Variants in ZNF780A observed in about 807,000 individuals in gnomAD.
ZNF780A encodes zinc finger protein 780A.
ZNF780A carries 40 observed loss-of-function variants against 56.7 expected under a neutral mutation model. The ratio of observed to expected loss-of-function variants is 0.71; its 90% CI spans 0.55 to 0.92. ZNF780A has a LOEUF of 0.92. ZNF780A is among the 40% of genes least tolerant of loss of function. The probability of loss-of-function intolerance (pLI) is 0.00; values close to 1 mark genes in which losing one functional copy is unlikely to be tolerated. For synonymous variants in ZNF780A, 231 were observed against 248.3 expected (o/e 0.93, Z 0.66); for missense variants, 672 against 783.3 (o/e 0.86, Z 1.70).
At chr19:40,080,755 C>A (rs1318559782) in intron 5 of ZNF780A, among the ~76,000 whole-genome samples, 1 of 152,046 alleles carries the variant, frequency 6.6e-6, no homozygotes, top group Non-Finnish European at 1.5e-5. Context: ...AAATAATCTG[C>A]ACACCAAACC....
chr19:40,085,602 C>T (rs537507767), intron 2 of ZNF780A, among the ~76,000 whole-genome samples: 2 of 152,176 alleles, frequency 1.3e-5, no homozygotes. Flanking sequence ...CATTTCATGG[C>T]CGGGCACGGT....
downstream of ZNF780A, chr19:40,071,045 C>T (rs1412701967): frequency 1.3e-5 from 2 of 151,944 alleles, no homozygotes; most frequent in East Asian, 1.9e-4. Flanking sequence ...ATTAACAAAA[C>T]CTGAAAAATG....
At chr19:40,089,272 T>G in intron 2 of ZNF780A, 8 of 1,429,224 alleles carry the variant, frequency 5.6e-6, no homozygotes, top group Non-Finnish European at 7.4e-6. Context: ...TAAAACTTCA[T>G]GTTGCACATG....
intron 2 of ZNF780A, chr19:40,085,368 T>A: frequency 1.0e-6 from 1 of 984,236 alleles, no homozygotes; most frequent in Non-Finnish European, 1.2e-6. Flanking sequence ...ATCCACTTAA[T>A]AGAATACAAA....
At chr19:40,080,465 G>A (rs1974411256) in intron 5 of ZNF780A, among the ~76,000 whole-genome samples, 1 of 152,204 alleles carries the variant, frequency 6.6e-6, no homozygotes, top group South Asian at 2.1e-4. Context: ...TAAAGAAAAT[G>A]TGGTACATAT....
chr19:40,084,596 T>C, intron 3 of ZNF780A, 149 bp downstream of exon 3: 1 of 759,096 alleles, frequency 1.3e-6, no homozygotes, highest in Non-Finnish European at 2.1e-6. Context: ...CAGTGACTTT[T>C]TTTTTTTTTG....
At chr19:40,079,253 T>C (rs1182213047) in intron 5 of ZNF780A, among the ~76,000 whole-genome samples, 1 of 152,182 alleles carries the variant, frequency 6.6e-6, no homozygotes, top group Non-Finnish European at 1.5e-5. Context: ...AGAAGATCAC[T>C]GTATAATGAT....
chr19:40,089,327 T>C, intron 2 of ZNF780A: 1 of 1,341,524 alleles, frequency 7.5e-7, no homozygotes, highest in Non-Finnish European at 9.7e-7. Context: ...AGAAAGAATT[T>C]CTGTCCTAGA....
chr19:40,084,137 C>G (rs1042982804), intron 3 of ZNF780A, among the ~76,000 whole-genome samples: 3 of 151,926 alleles, frequency 2.0e-5, no homozygotes, highest in African/African-American at 7.3e-5. Context: ...AACTCCTGAC[C>G]TCAAGTGATC....
At position 40,074,361 on chromosome 19, in the gene ZNF780A, C is replaced by T; in HGVS notation, c.*155G>A. 1 of 1,531,924 alleles carries T rather than the reference C, an allele frequency of 6.5e-7. No homozygotes were observed. The highest frequency in any genetic ancestry group is 2.2e-5 in the Admixed American group (1 of 46,122). The allele number at this position is 1,531,924 out of a possible 1,614,324, so 94.9% of individuals were successfully genotyped here. On this transcript the variant is annotated 3_prime_UTR_variant, in exon 6 of 6. Transcript: ENST00000683561. ...CACTCCTTGCATACAAAGAGTTTCT[C>T]ACTGGAATGAATTTTCTGATGCTGA...
In ZNF780A at chr19:40,082,064, A is replaced by C. The variant is rs886244276; in HGVS notation, c.137-150T>G. ...TAAGAGTGAGAGGTTGAGTAAGAGA[A>C]CTCTTTTCTAACTATGTTAGAAAAG... On this transcript the variant is annotated intron_variant, in intron 4 of 5. Coordinates refer to ENST00000683561, the MANE Select transcript of ZNF780A (RefSeq NM_001142578.2). 3 of 505,826 alleles carry C rather than the reference A, an allele frequency of 5.9e-6. No homozygotes were observed. In the African/African-American group the frequency reaches 6.0e-5, roughly 10 times the overall value. 31.3% of individuals were successfully genotyped at this position (505,826 alleles called of 1,614,324 possible). A position where few individuals can be genotyped will look rare whatever the true frequency, so the allele number is the denominator to read the frequency against.
chr19:40,081,615 T>C (rs899113730), intron 5 of ZNF780A, among the ~76,000 whole-genome samples: 1 of 151,902 alleles, frequency 6.6e-6, no homozygotes. Flanking sequence ...GAACAGAAAT[T>C]AGGTGATTAG....
intron 2 of ZNF780A, chr19:40,089,142 T>A: frequency 1.1e-6 from 1 of 929,714 alleles, no homozygotes. Flanking sequence ...CAATATTCTG[T>A]AGTCTTGAAA....
chr19:40,089,631 C>CACAA (rs1975025790), intron 2 of ZNF780A, among the ~76,000 whole-genome samples: 2 of 152,016 alleles, frequency 1.3e-5, no homozygotes, highest in South Asian at 4.2e-4. Context: ...CACACACACA[C>CACAA]ACACACACAC....
In ZNF780A at chr19:40,076,188, G is replaced by A; in HGVS notation, c.254C>T (p.Pro85Leu). The change falls in exon 6 of 6, where the codon CCT (proline) becomes CTT (leucine). Residue 85 changes from proline (P) to leucine (L), a missense_variant. Physicochemically the swap from Pro to Leu is moderately conservative, Grantham distance 98 (BLOSUM62 -3). Coordinates refer to ENST00000683561, the MANE Select transcript of ZNF780A (RefSeq NM_001142578.2). ...RYPDLELKYG[P>L]EKVSPENDTS... ...ATCATTTTCTGGAGATACTTTCTCA[G>A]GTCCATATTTTAACTCCAAATCTGA... is the stretch of plus-strand genomic sequence containing the variant. 1 of 1,560,172 alleles carries A rather than the reference G, an allele frequency of 6.4e-7. No individual in the cohort carries two copies.
Position 40,074,908 on chromosome 19 carries a change from G to A in ZNF780A, c.1534C>T (p.Leu512Phe), listed in dbSNP as rs749406909. The change falls in exon 6 of 6, where the codon CTT becomes TTT. Residue 512 changes from leucine (L) to phenylalanine (F), a missense_variant. Leu to Phe is a conservative substitution (Grantham distance 22). Coordinates refer to ENST00000683561, the MANE Select transcript of ZNF780A (RefSeq NM_001142578.2). ...ECKECGKAFR[L>F]YLQLSQHQKT... ...TGATGTTGGGAAAGTTGTAGGTAAAGTCTAAAAGCCTTCCCACACTCCTTA... is the reference window on the plus strand; with the variant it reads ...TGATGTTGGGAAAGTTGTAGGTAAAATCTAAAAGCCTTCCCACACTCCTTA... The A allele has an allele frequency of 8.7e-6, 14 of 1,614,080 alleles. No individual in the cohort carries two copies. Among genetic ancestry groups the A allele is most frequent in the Non-Finnish European group, 1.1e-5 (13 of 1,179,992 alleles).
intron 2 of ZNF780A, chr19:40,085,294 T>C: frequency 1.0e-6 from 1 of 985,392 alleles, no homozygotes; most frequent in Non-Finnish European, 1.2e-6. Flanking sequence ...TTGCACCAAA[T>C]TGCACTGACA....
At chr19:40,072,926 T>C, downstream of ZNF780A, 1 of 1,550,602 alleles carries the variant, frequency 6.4e-7, no homozygotes, top group Non-Finnish European at 8.7e-7. Flanking sequence ...TGCAATGGAT[T>C]CTCCTTTGAA....
rs1422670091 is a variant in ZNF780A at position 40,074,099 on chromosome 19, A to G, written c.*417T>C. On this transcript the variant is annotated 3_prime_UTR_variant, in exon 6 of 6. Transcript: ENST00000683561. ...AAGTTTTCCCACACTCCTTACATTC[A>G]TAGAGTTTCTCACCAGTATGAATAC... 1.8e-5 allele frequency: 24 copies of G among 1,304,944 alleles called. No homozygotes were observed. In the South Asian group the frequency reaches 3.4e-4, roughly 19 times the overall value. 80.8% of individuals were successfully genotyped at this position (1,304,944 alleles called of 1,614,324 possible).
Sources: gnomAD v4.1 joint callset for allele counts (sites outside exome capture counted in the v4.1 genomes callset) on GRCh38, gnomAD v4.1.1 for gene constraint, MANE v1.5 for transcripts, NCBI Gene and HGNC (gene_info 2026-07-23, HGNC 2026-07-21) for gene names.